Variants in CCBE1 observed in about 807,000 individuals in gnomAD.
CCBE1 encodes the protein collagen and calcium binding EGF domains 1, also known as collagen and calcium-binding EGF domain-containing protein 1.
Under a neutral mutation model 50.0 loss-of-function variants are expected in CCBE1, and 37 were observed. The observed-to-expected ratio is 0.74, with a 90% CI of 0.57 to 0.97. CCBE1 has a LOEUF of 0.97. Ranked by LOEUF, CCBE1 falls within the 50% of genes least tolerant of loss-of-function variation. The pLI is 0.00. For synonymous variants in CCBE1, 234 were observed against 203.7 expected, an observed-to-expected ratio of 1.15 and a Z score of -1.27; for missense variants, 538 against 523.8, an observed-to-expected ratio of 1.03 and a Z score of -0.26.
In CCBE1 at chr18:59,648,617, G is replaced by A. The variant is rs147849703; in HGVS notation, c.212+48012C>T. Among the ~76,000 whole-genome samples, 12 of 152,310 alleles carry A rather than the reference G, an allele frequency of 7.9e-5. No homozygotes were observed. The East Asian group carries it at 2.1e-3, about 27-fold the overall frequency. ...GTCAGGAGGGTGAGGTACGAGAATT[G>A]CTTGAACCCAGGAGGCGGAGGTTGC... On this transcript the variant is annotated intron_variant, in intron 2 of 10. Coordinates refer to ENST00000439986, the MANE Select transcript of CCBE1 (RefSeq NM_133459.4).
At chr18:59,661,606 C>A (rs1488449717) in intron 2 of CCBE1, among the ~76,000 whole-genome samples, 1 of 152,194 alleles carries the variant, frequency 6.6e-6, no homozygotes, top group Non-Finnish European at 1.5e-5. Context: ...CCTCTGGCCA[C>A]AATATTCTCA....
intron 2 of CCBE1, among the ~76,000 whole-genome samples, chr18:59,526,804 C>T (rs12605760): frequency 0.36 from 54,561 of 151,888 alleles, 10,001 homozygotes; most frequent in Middle Eastern, 0.39. Flanking sequence ...TCAGTTTCCA[C>T]TTAGTTTTGT....
At chr18:59,585,570 A>G (rs1893957) in intron 2 of CCBE1, among the ~76,000 whole-genome samples, 66,548 of 151,732 alleles carry the variant, frequency 0.44, 15,038 homozygotes, top group East Asian at 0.74. Context: ...CTCAAATTCT[A>G]GCTTCTCCAG....
intron 2 of CCBE1, among the ~76,000 whole-genome samples, chr18:59,667,978 G>A (rs1053466602): frequency 6.6e-6 from 1 of 152,134 alleles, no homozygotes; most frequent in Admixed American, 6.6e-5. Context: ...ACCTATCGAG[G>A]GGTGGGGAGC....
rs1339469580 is a variant in CCBE1 at position 59,661,619 on chromosome 18, C to T, written c.212+35010G>A. Among the ~76,000 whole-genome samples, 8 of 152,288 alleles carry T rather than the reference C, an allele frequency of 5.3e-5. No individual in the cohort carries two copies. In the East Asian group the frequency reaches 1.5e-3, roughly 29 times the overall value. On this transcript the variant is annotated intron_variant, in intron 2 of 10. Transcript: ENST00000439986. Reference sequence around the variant, plus strand: ...AGCCTCTGGCCACAATATTCTCAACCAATCAATATATAACCTTGTTTTATG... The same window carrying T: ...AGCCTCTGGCCACAATATTCTCAACTAATCAATATATAACCTTGTTTTATG...
intron 2 of CCBE1, among the ~76,000 whole-genome samples, chr18:59,583,718 C>T (rs1011997788): frequency 2.7e-5 from 4 of 149,724 alleles, no homozygotes; most frequent in Admixed American, 6.6e-5. Context: ...TGTATGTCTG[C>T]GACTACTGAG....
At position 59,631,721 on chromosome 18, in the gene CCBE1, A is replaced by G. The variant is rs1000054246; in HGVS notation, c.212+64908T>C. On this transcript the variant is annotated intron_variant, in intron 2 of 10. Transcript: ENST00000439986. ...AATTAAACCAAATAACACCAACTTAAGAAGCACTGGGCACTAAATAGCTTA... is the reference window on the plus strand; with the variant it reads ...AATTAAACCAAATAACACCAACTTAGGAAGCACTGGGCACTAAATAGCTTA... Among the ~76,000 whole-genome samples, 4 of 152,226 alleles carry G rather than the reference A, an allele frequency of 2.6e-5. No individual in the cohort carries two copies. The South Asian group carries it at 8.3e-4, about 32-fold the overall frequency.
At chr18:59,498,580 A>G (rs540544537) in intron 2 of CCBE1, among the ~76,000 whole-genome samples, 3 of 152,332 alleles carry the variant, frequency 2.0e-5, no homozygotes, top group East Asian at 3.9e-4. Context: ...GCAACAAGAA[A>G]CCATCTGTAC....
At chr18:59,650,143 T>G (rs2054108068) in intron 2 of CCBE1, among the ~76,000 whole-genome samples, 1 of 152,032 alleles carries the variant, frequency 6.6e-6, no homozygotes, top group African/African-American at 2.4e-5. Context: ...ACAGAACTAA[T>G]TTTCAGAAGC....
chr18:59,582,460 AG>A (rs2144512871), intron 2 of CCBE1, among the ~76,000 whole-genome samples: 1 of 152,326 alleles, frequency 6.6e-6, no homozygotes, highest in South Asian at 2.1e-4. Context: ...GACAAGAAAA[AG>A]CTGAAACTTA....
chr18:59,636,143 ACTCTGT>A (rs2053913351), intron 2 of CCBE1, among the ~76,000 whole-genome samples: 1 of 151,636 alleles, frequency 6.6e-6, no homozygotes, highest in Admixed American at 6.6e-5. Flanking sequence ...ACAGAGCGAG[ACTCTGT>A]CTCTAAAAAA....
At chr18:59,661,538 G>A (rs8091936) in intron 2 of CCBE1, among the ~76,000 whole-genome samples, 63,103 of 152,030 alleles carry the variant, frequency 0.42, 14,375 homozygotes, top group African/African-American at 0.61. Context: ...GGTAACCTCA[G>A]AAACTGAGTT....
chr18:59,539,147 T>A (rs1915365485), intron 2 of CCBE1, among the ~76,000 whole-genome samples: 1 of 150,868 alleles, frequency 6.6e-6, no homozygotes, highest in South Asian at 2.1e-4. Flanking sequence ...CTGCACTCCA[T>A]CCTGGGCTAT....
chr18:59,678,902 T>G (rs1048301509), intron 2 of CCBE1, among the ~76,000 whole-genome samples: 1 of 152,208 alleles, frequency 6.6e-6, no homozygotes, highest in African/African-American at 2.4e-5. Context: ...AAAAAAATAG[T>G]CAAAGTAAAG....
At chr18:59,584,563 A>C (rs950119427) in intron 2 of CCBE1, among the ~76,000 whole-genome samples, 1 of 152,090 alleles carries the variant, frequency 6.6e-6, no homozygotes, top group African/African-American at 2.4e-5. Flanking sequence ...AAGTGATTGG[A>C]TCACAGGGGA....
intron 2 of CCBE1, among the ~76,000 whole-genome samples, chr18:59,538,235 A>G (rs1052780150): frequency 2.0e-5 from 3 of 152,222 alleles, no homozygotes; most frequent in African/African-American, 7.2e-5. Flanking sequence ...TAAATTCCCA[A>G]TGTATCCCAA....
At chr18:59,664,672 T>A (rs1232030531) in intron 2 of CCBE1, among the ~76,000 whole-genome samples, 1 of 152,104 alleles carries the variant, frequency 6.6e-6, no homozygotes, top group Non-Finnish European at 1.5e-5. Context: ...CCTCTACCGA[T>A]CTGTCTCAGG....
At chr18:59,481,921 A>G (rs1045649611) in intron 2 of CCBE1, among the ~76,000 whole-genome samples, 1 of 152,194 alleles carries the variant, frequency 6.6e-6, no homozygotes, top group Non-Finnish European at 1.5e-5. Flanking sequence ...TAAGTTCTGG[A>G]TACATGTGCA....
At chr18:59,527,055 A>G (rs1024994379) in intron 2 of CCBE1, among the ~76,000 whole-genome samples, 20 of 152,146 alleles carry the variant, frequency 1.3e-4, no homozygotes, top group African/African-American at 4.8e-4. Context: ...TCAAGTCCAG[A>G]ATCTTTGTTA....
Sources: allele counts gnomAD v4.1 joint callset (sites outside exome capture counted in the v4.1 genomes callset), GRCh38; gene constraint gnomAD v4.1.1; transcripts MANE v1.5; gene names NCBI Gene and HGNC (gene_info 2026-07-23, HGNC 2026-07-21).